AMT: variants seen among roughly 807,000 people sequenced by gnomAD.
The protein encoded by AMT is aminomethyltransferase.
AMT carries 24 observed loss-of-function variants against 39.5 expected under a neutral mutation model. The observed-to-expected ratio is 0.61, with a 90% CI of 0.44 to 0.86. The LOEUF is 0.86. AMT is among the 40% of genes least tolerant of loss of function. The pLI, the probability that AMT is intolerant of heterozygous loss-of-function variation, is 0.00. For synonymous variants in AMT, 210 were observed against 212.1 expected, an observed-to-expected ratio of 0.99 and a Z score of 0.09; for missense variants, 501 against 537.0, an observed-to-expected ratio of 0.93 and a Z score of 0.66.
intron 7 of AMT, chr3:49,418,367 G>C (rs925465454): frequency 6.6e-6 from 2 of 301,584 alleles, no homozygotes; most frequent in African/African-American, 2.2e-5. Context: ...ATTTTCAGTA[G>C]AGACGGGGTC....
chr3:49,417,964 C>T lies in AMT; in HGVS notation c.887G>A (p.Arg296His), dbSNP rs386833690. ...GSLSWTLGKR[R>H]RAAMDFPGAK... The stretch of plus-strand genomic sequence containing the variant: ...TCCAGGGAAGTCCATAGCAGCTCGG[C>T]GGCGCTTCCCTGGAGAATGACACAT... The change falls in exon 8 of 9, where the codon CGC becomes CAC. Residue 296 changes from arginine (R) to histidine (H), a missense_variant. Arg to His is a conservative substitution (Grantham distance 29). Transcript: ENST00000273588. 6.2e-6 allele frequency: 10 copies of T among 1,610,922 alleles called. No individual in the cohort carries two copies. Among genetic ancestry groups the T allele is most frequent in the Admixed American group, 3.4e-5 (2 of 59,398 alleles).
Position 49,417,308 on chromosome 3 carries a change from G to A in AMT, c.*232C>T, listed in dbSNP as rs1006290394. ...GCAAGAGTAGGTCAGTGGGATCATG[G>A]ACTGAAACAAGACATTGTGTGAGCT... On this transcript the variant is annotated 3_prime_UTR_variant, in exon 9 of 9. Coordinates refer to ENST00000273588, the MANE Select transcript of AMT (RefSeq NM_000481.4). The A allele has an allele frequency of 5.0e-6, 8 of 1,597,390 alleles. No homozygotes were observed. The highest frequency in any genetic ancestry group is 1.7e-5 in the Admixed American group (1 of 59,924).
chr3:49,418,671 T>G, intron 7 of AMT: 1 of 353,530 alleles, frequency 2.8e-6, no homozygotes, highest in Non-Finnish European at 5.4e-6. Context: ...CCAGCTAATT[T>G]TTTTTTTGTA....
intron 7 of AMT, 132 bp from the exon 8 acceptor site, chr3:49,418,105 C>T (rs569805528): frequency 8.3e-7 from 1 of 1,201,184 alleles, no homozygotes; most frequent in Non-Finnish European, 1.2e-6. Context: ...AGGCTCTATT[C>T]CTCCCTTCAC....
In AMT at chr3:49,417,933, C is replaced by T. The variant is rs747454402; in HGVS notation, c.918G>A (p.Lys306=). 6.2e-7 allele frequency: 1 copy of T among 1,613,938 alleles called. No individual in the cohort carries two copies. Among genetic ancestry groups the T allele is most frequent in the Non-Finnish European group, 8.5e-7 (1 of 1,179,976 alleles). The stretch of plus-strand genomic sequence containing the variant: ...TGCCCTTCAGCTGGGGAACAATGAC[C>T]TTGGCTCCAGGGAAGTCCATAGCAG... ...RRAAMDFPGA[K]VIVPQLKGRV... The change falls in exon 8 of 9, where the codon AAG becomes AAA. Residue 306 remains lysine, a synonymous_variant. Coordinates refer to ENST00000273588, the MANE Select transcript of AMT (RefSeq NM_000481.4).
At chr3:49,419,669 G>C (rs371033259) in intron 5 of AMT, 41 bp downstream of exon 5, 2 of 1,594,078 alleles carry the variant, frequency 1.3e-6, no homozygotes, top group Non-Finnish European at 1.7e-6. Flanking sequence ...ATGAAGCCAG[G>C]AAGGCAAAGG....
Position 49,420,202 on chromosome 3 carries a change from G to T in AMT, c.471+9C>A, listed in dbSNP as rs760770619. ...AAGACAAGGTGTCTAGAACACAGAG[G>T]GGGTATACCTGCATGAGGGCCAAAT... On this transcript the variant is annotated intron_variant, in intron 4 of 8. Transcript: ENST00000273588. The T allele has an allele frequency of 3.7e-6, 6 of 1,614,046 alleles. No individual in the cohort carries two copies. The highest frequency in any genetic ancestry group is 5.1e-6 in the Non-Finnish European group (6 of 1,180,022).
Position 49,420,209 on chromosome 3 carries a change from A to G in AMT, c.471+2T>C, listed in dbSNP as rs386833684. 8.7e-6 allele frequency: 14 copies of G among 1,614,164 alleles called. No individual in the cohort carries two copies. Among genetic ancestry groups the G allele is most frequent in the Admixed American group, 1.7e-5 (1 of 60,016 alleles). On this transcript the variant is annotated splice_donor_variant, in intron 4 of 8. Coordinates refer to ENST00000273588, the MANE Select transcript of AMT (RefSeq NM_000481.4). LOFTEE classifies it high-confidence loss of function. Reference sequence around the variant, plus strand: ...GGTGTCTAGAACACAGAGGGGGTATACCTGCATGAGGGCCAAATCTTTCTC... The same window carrying G: ...GGTGTCTAGAACACAGAGGGGGTATGCCTGCATGAGGGCCAAATCTTTCTC...
At chr3:49,418,210 G>A (rs1272606948) in intron 7 of AMT, 3 of 551,796 alleles carry the variant, frequency 5.4e-6, no homozygotes, top group South Asian at 2.1e-5. Flanking sequence ...TTGAGATGGA[G>A]TCACTCTGTC....
chr3:49,419,484 A>T, intron 5 of AMT, 79 bp from the exon 6 acceptor site: 1 of 1,575,280 alleles, frequency 6.3e-7, no homozygotes, highest in Non-Finnish European at 8.6e-7. Context: ...TTCAGGGACC[A>T]GAACAAGCCC....
chr3:49,420,524 T>G, intron 3 of AMT, 182 bp from the exon 4 acceptor site: 1 of 827,326 alleles, frequency 1.2e-6, no homozygotes. Flanking sequence ...ATGCATCAAG[T>G]AAGTTTTCAT....
chr3:49,419,633 G>C (rs1241376907), intron 5 of AMT, 77 bp downstream of exon 5: 16 of 1,501,014 alleles, frequency 1.1e-5, no homozygotes, highest in Non-Finnish European at 1.5e-5. Flanking sequence ...CATTCTTCTT[G>C]GTATGGCCTC....
At chr3:49,421,294 G>A in intron 3 of AMT, 198 bp downstream of exon 3, 1 of 619,194 alleles carries the variant, frequency 1.6e-6, no homozygotes, top group Non-Finnish European at 2.9e-6. Context: ...CTCCTAGCCT[G>A]ATGTAGTAAG....
rs200176736 is a variant in AMT at position 49,419,041 on chromosome 3, G to T, written c.807C>A (p.Gly269=). The change falls in exon 7 of 9, where the codon GGC becomes GGA. Residue 269 remains glycine (G), a synonymous_variant. Transcript: ENST00000273588. ...AARDSLRLEA[G]LCLYGNDIDE... is the part of the protein sequence containing the mutation. ...CAATGTCATTCCCATACAGGCAGAG[G>T]CCTGCCTCCAGGCGCAGGCTGTCCC... 1.3e-5 allele frequency: 21 copies of T among 1,613,938 alleles called. No individual in the cohort carries two copies. Among genetic ancestry groups the T allele is most frequent in the Non-Finnish European group, 1.7e-5 (20 of 1,179,996 alleles).
chr3:49,422,085 G>A lies in AMT; in HGVS notation c.258+19C>T. On this transcript the variant is annotated intron_variant, in intron 2 of 8. Transcript: ENST00000273588. ...GGAGGAAGGCCTGATCAGATGGCCA[G>A]TGTGCTCCCCTGGCTCACCTGCAGC... 6.2e-7 allele frequency: 1 copy of A among 1,613,300 alleles called. No individual in the cohort carries two copies. Among genetic ancestry groups the A allele is most frequent in the Non-Finnish European group, 8.5e-7 (1 of 1,180,022 alleles).
intron 3 of AMT, 48 bp from the exon 4 acceptor site, chr3:49,420,390 G>A: frequency 6.2e-7 from 1 of 1,613,362 alleles, no homozygotes; most frequent in South Asian, 1.1e-5. Flanking sequence ...GGAGGGCAAG[G>A]CCAAGGGTGA....
At position 49,417,973 on chromosome 3, in the gene AMT, C is replaced by T. The variant is rs1323773029; in HGVS notation, c.878G>A (p.Gly293Glu). Residue 293 changes from glycine (G) to glutamate (E), a missense_variant and splice_region_variant, in exon 8 of 9, where the codon GGG becomes GAG. Physicochemically the swap from Gly to Glu is moderately conservative, Grantham distance 98. Coordinates refer to ENST00000273588, the MANE Select transcript of AMT (RefSeq NM_000481.4). ...PVEGSLSWTLGKRRRAAMDFP... is the reference protein window; with the variant it reads ...PVEGSLSWTLEKRRRAAMDFP... ...GTCCATAGCAGCTCGGCGGCGCTTC[C>T]CTGGAGAATGACACATGAGACATAA... The T allele has an allele frequency of 6.2e-7, 1 of 1,607,746 alleles. No individual in the cohort carries two copies.
Position 49,419,238 on chromosome 3 carries a change from CCCACACCACTTCTTGACACACCT to C in AMT, c.695_696+21del, listed in dbSNP as rs1553638457. On this transcript the variant is annotated splice_donor_variant and splice_donor_5th_base_variant and coding_sequence_variant and intron_variant, in exon 6 of 9. Transcript: ENST00000273588. LOFTEE classifies it high-confidence loss of function. Reference sequence around the variant, plus strand: ...CATGCATCCTGTGCCCTGTACTGCCCCCACACCACTTCTTGACACACCTCCACACCATCCTCTCCTGTGTAGCC... The same window carrying C: ...CATGCATCCTGTGCCCTGTACTGCCCCCACACCATCCTCTCCTGTGTAGCC... 6.2e-7 allele frequency: 1 copy of C among 1,614,056 alleles called. No individual in the cohort carries two copies. Among genetic ancestry groups the C allele is most frequent in the Non-Finnish European group, 8.5e-7 (1 of 1,179,994 alleles).
At position 49,422,239 on chromosome 3, in the gene AMT, G is replaced by T; in HGVS notation, c.123C>A (p.Phe41Leu). 2 of 1,614,086 alleles carry T rather than the reference G, an allele frequency of 1.2e-6. No homozygotes were observed. Among genetic ancestry groups the T allele is most frequent in the Non-Finnish European group, 1.7e-6 (2 of 1,180,006 alleles). Reference sequence around the variant, plus strand: ...CCATTTTCCCGCCGTGGGCCAGGTGGAAGTCATAGAGCGGTGTCCTGCGGA... The same window carrying T: ...CCATTTTCCCGCCGTGGGCCAGGTGTAAGTCATAGAGCGGTGTCCTGCGGA... The part of the protein sequence containing the change: ...EVLRRTPLYD[F>L]HLAHGGKMVA... Residue 41 changes from phenylalanine to leucine, a missense_variant, in exon 2 of 9, where the codon TTC becomes TTA. Coordinates refer to ENST00000273588, the MANE Select transcript of AMT (RefSeq NM_000481.4).
Sources: allele counts gnomAD v4.1 joint callset, GRCh38; gene constraint gnomAD v4.1.1; transcripts MANE v1.5; gene names NCBI Gene and HGNC (gene_info 2026-07-23, HGNC 2026-07-21).